The following CPNE8 variants were observed in gnomAD, a reference collection of about 807,000 sequenced individuals.
The protein encoded by CPNE8 is copine-8.
In CPNE8, 45 loss-of-function variants were observed where a neutral mutation model predicts 81.5. The ratio of observed to expected loss-of-function variants is 0.55; its 90% CI spans 0.44 to 0.71. CPNE8 has a LOEUF of 0.71. CPNE8 is among the 30% of genes least tolerant of loss of function. The pLI is 0.00. For synonymous variants in CPNE8, 252 were observed against 226.3 expected (o/e 1.11, Z -1.02); for missense variants, 594 against 672.1 (o/e 0.88, Z 1.28).
intron 3 of CPNE8, among the ~76,000 whole-genome samples, chr12:38,857,739 CA>C (rs61323959): frequency 6.6e-6 from 1 of 151,742 alleles, no homozygotes; most frequent in East Asian, 1.9e-4. Flanking sequence ...GGCGAACCCC[CA>C]AAAAAAATAG....
At chr12:38,884,375 C>G (rs1944208859) in intron 1 of CPNE8, among the ~76,000 whole-genome samples, 1 of 152,174 alleles carries the variant, frequency 6.6e-6, no homozygotes, top group African/African-American at 2.4e-5. Context: ...TCTGTCAGTA[C>G]TTCATTCCGT....
At chr12:38,686,626 C>T (rs1163494878) in intron 15 of CPNE8, among the ~76,000 whole-genome samples, 1 of 152,204 alleles carries the variant, frequency 6.6e-6, no homozygotes, top group Non-Finnish European at 1.5e-5. Context: ...AGAAGCAGCT[C>T]AGCACGGTGG....
intron 14 of CPNE8, among the ~76,000 whole-genome samples, chr12:38,695,708 G>T (rs192959591): frequency 1.3e-5 from 2 of 152,142 alleles, no homozygotes; most frequent in Non-Finnish European, 2.9e-5. Context: ...GGAGGCTGAG[G>T]CAGGTGGACA....
intron 1 of CPNE8, among the ~76,000 whole-genome samples, chr12:38,884,908 C>T (rs1332896397): frequency 1.3e-5 from 2 of 152,028 alleles, no homozygotes; most frequent in Non-Finnish European, 2.9e-5. Context: ...ATGCTAACTC[C>T]CCACACCCAA....
intron 6 of CPNE8, 115 bp downstream of exon 6, chr12:38,829,264 A>T: frequency 3.0e-6 from 2 of 655,984 alleles, no homozygotes; most frequent in Non-Finnish European, 2.7e-6. Flanking sequence ...GAAAAAACTC[A>T]AACAAGATTT....
At chr12:38,865,714 T>C (rs765800434) in intron 3 of CPNE8, among the ~76,000 whole-genome samples, 2 of 152,192 alleles carry the variant, frequency 1.3e-5, no homozygotes, top group Non-Finnish European at 2.9e-5. Flanking sequence ...TTGTGCTGTA[T>C]AATTTGTGCC....
At chr12:38,899,218 G>A (rs77560398) in intron 1 of CPNE8, among the ~76,000 whole-genome samples, 8,048 of 152,154 alleles carry the variant, frequency 0.053, 680 homozygotes, top group African/African-American at 0.18. Context: ...AACCCCTAAT[G>A]TGATGATATT....
chr12:38,738,626 T>G (rs17126321), intron 10 of CPNE8, among the ~76,000 whole-genome samples: 2,092 of 152,176 alleles, frequency 0.014, 32 homozygotes, highest in Non-Finnish European at 0.022. Flanking sequence ...GACATCGATT[T>G]TATTTGACAA....
intron 13 of CPNE8, among the ~76,000 whole-genome samples, chr12:38,703,144 G>A (rs1180357054): frequency 6.6e-6 from 1 of 152,030 alleles, no homozygotes; most frequent in African/African-American, 2.4e-5. Flanking sequence ...CACATACAAT[G>A]AAAACTAAAG....
At chr12:38,865,472 G>A (rs749371487) in intron 3 of CPNE8, among the ~76,000 whole-genome samples, 20 of 152,164 alleles carry the variant, frequency 1.3e-4, no homozygotes, top group Non-Finnish European at 1.9e-4. Context: ...ACCTATTGCC[G>A]CAGGCATGGA....
chr12:38,833,818 C>T (rs1248968374), intron 5 of CPNE8, among the ~76,000 whole-genome samples: 1 of 151,994 alleles, frequency 6.6e-6, no homozygotes, highest in African/African-American at 2.4e-5. Context: ...ATGAAGAGCT[C>T]TTTTACACAG....
At chr12:38,766,157 C>T (rs1941683575) in intron 8 of CPNE8, among the ~76,000 whole-genome samples, 1 of 152,060 alleles carries the variant, frequency 6.6e-6, no homozygotes, top group South Asian at 2.1e-4. Context: ...CGCGCCTGGC[C>T]GTGAACATCA....
chr12:38,793,874 T>G (rs1011043200), intron 6 of CPNE8, among the ~76,000 whole-genome samples: 5 of 151,938 alleles, frequency 3.3e-5, no homozygotes, highest in African/African-American at 9.7e-5. Context: ...TAAAGACAAA[T>G]AGACTAATGA....
chr12:38,905,389 A>G (rs1034375260), intron 1 of CPNE8, 48 bp downstream of exon 1: 2 of 1,539,070 alleles, frequency 1.3e-6, no homozygotes, highest in African/African-American at 1.4e-5. Context: ...AGTGCTACCA[A>G]CCCCACAGAT....
chr12:38,860,638 T>G (rs535090676), intron 3 of CPNE8, among the ~76,000 whole-genome samples: 2 of 152,098 alleles, frequency 1.3e-5, no homozygotes, highest in Admixed American at 6.5e-5. Context: ...CACAATAGTC[T>G]ACATACCATG....
At chr12:38,889,791 A>G (rs1323534881) in intron 1 of CPNE8, among the ~76,000 whole-genome samples, 3 of 152,184 alleles carry the variant, frequency 2.0e-5, no homozygotes. Context: ...ATGGTCAGCC[A>G]TGTTAAAGAG....
At chr12:38,767,551 T>C (rs1336648169) in intron 8 of CPNE8, 84 bp downstream of exon 8, 5 of 813,114 alleles carry the variant, frequency 6.1e-6, no homozygotes, top group Non-Finnish European at 9.3e-6. Context: ...CATTTATCAA[T>C]TTAATGAGCT....
intron 10 of CPNE8, 117 bp downstream of exon 10, chr12:38,760,730 G>T: frequency 1.2e-6 from 1 of 816,604 alleles, no homozygotes; most frequent in East Asian, 2.7e-5. Context: ...AGTAACATTT[G>T]GAAAAACAAA....
chr12:38,750,563 G>T (rs531127791), intron 10 of CPNE8, among the ~76,000 whole-genome samples: 2 of 152,334 alleles, frequency 1.3e-5, no homozygotes, highest in South Asian at 2.1e-4. Context: ...AGTCAAACGA[G>T]ATGATTTTGG....
Sources: gnomAD v4.1 joint callset for allele counts (sites outside exome capture counted in the v4.1 genomes callset) on GRCh38, gnomAD v4.1.1 for gene constraint, MANE v1.5 for transcripts, NCBI Gene and HGNC (gene_info 2026-07-23, HGNC 2026-07-21) for gene names.